The following SUMF2 variants were observed in gnomAD, a reference collection of about 807,000 sequenced individuals.
SUMF2 encodes the protein inactive C-alpha-formylglycine-generating enzyme 2.
In SUMF2, 45 loss-of-function variants were observed where a neutral mutation model predicts 44.8. The observed-to-expected ratio is 1.00, with a 90% confidence interval of 0.79 to 1.29. SUMF2 has a LOEUF of 1.29. Among genes scored for constraint, SUMF2 ranks in the 50% most tolerant of loss-of-function variants. The pLI is 0.00. For missense variants in SUMF2, 418 were observed against 389.9 expected, an observed-to-expected ratio of 1.07 and a Z score of -0.61; for synonymous variants, 148 against 150.4, an observed-to-expected ratio of 0.98 and a Z score of 0.12.
At chr7:56,083,676 C>G, downstream of SUMF2, 1 of 1,586,078 alleles carries the variant, frequency 6.3e-7, no homozygotes, top group Non-Finnish European at 8.6e-7. Flanking sequence ...TCAAGGTGAC[C>G]TTCTCAGTGA....
downstream of SUMF2, chr7:56,081,956 C>T (rs754396196): frequency 4.3e-5 from 70 of 1,613,810 alleles, no homozygotes; most frequent in Non-Finnish European, 5.8e-5. The surrounding 1 kb of genome is among the most constrained non-coding windows in gnomAD (Gnocchi z 4.6). Context: ...AGTTGCCGCT[C>T]ATGATCATCC....
chr7:56,079,715 A>G lies in SUMF2; in HGVS notation c.*103A>G. 1 of 1,607,372 alleles carries G rather than the reference A, an allele frequency of 6.2e-7. No homozygotes were observed. Among genetic ancestry groups the G allele is most frequent in the Non-Finnish European group, 8.5e-7 (1 of 1,176,780 alleles). ...CAAGCTCGAGAGCTTCAGCCTCAGG[A>G]AAGAACTTCCCCTTCCCTGTCTCCC... is the stretch of plus-strand genomic sequence containing the variant. On this transcript the variant is annotated 3_prime_UTR_variant, in exon 9 of 9. Coordinates refer to ENST00000434526, the MANE Select transcript of SUMF2 (RefSeq NM_015411.4).
downstream of SUMF2, among the ~76,000 whole-genome samples, chr7:56,085,652 TAGTC>T (rs1457374825): frequency 6.6e-6 from 1 of 152,078 alleles, no homozygotes; most frequent in African/African-American, 2.4e-5. Flanking sequence ...CGTCCCTAGA[TAGTC>T]AGTGAGATCT....
At chr7:56,076,798 T>C in intron 5 of SUMF2, 36 bp from the exon 6 acceptor site, 4 of 1,552,322 alleles carry the variant, frequency 2.6e-6, no homozygotes, top group Non-Finnish European at 3.5e-6. Flanking sequence ...ATTCTTCACC[T>C]CCCCCTCCTC....
downstream of SUMF2, chr7:56,083,370 T>A: frequency 1.2e-6 from 2 of 1,614,186 alleles, no homozygotes; most frequent in African/African-American, 1.3e-5. Context: ...GTTCTCGGGC[T>A]TCAGGTCCCG....
downstream of SUMF2, chr7:56,081,955 T>A (rs778380422): frequency 1.9e-6 from 3 of 1,613,892 alleles, no homozygotes; most frequent in Admixed American, 5.0e-5. This position sits in a 1 kb window ranked among gnomAD's most constrained non-coding sequence, Gnocchi z 4.6. Context: ...TAGTTGCCGC[T>A]CATGATCATC....
At chr7:56,066,934 C>G (rs1290380867) in intron 1 of SUMF2, among the ~76,000 whole-genome samples, 2 of 152,108 alleles carry the variant, frequency 1.3e-5, no homozygotes, top group African/African-American at 4.8e-5. Flanking sequence ...CTTTTTAATT[C>G]TATGATTTTC....
the SUMF2 span, among the ~76,000 whole-genome samples, chr7:56,086,517 T>G: frequency 6.6e-6 from 1 of 152,228 alleles, no homozygotes; most frequent in South Asian, 2.1e-4. Context: ...AGATGGAGTT[T>G]CGCTCTCGTA....
rs1162835476 is a variant in SUMF2, at chr7:56,079,755, G to A, written c.*143G>A. On this transcript the variant is annotated 3_prime_UTR_variant, in exon 9 of 9. Coordinates refer to ENST00000434526, the MANE Select transcript of SUMF2 (RefSeq NM_015411.4). ...CCCTGTCTCCCATCCCTCTGTGGCAGGCGCCTCTCACCAGGGCAGGAGAGG... is the reference window on the plus strand; with the variant it reads ...CCCTGTCTCCCATCCCTCTGTGGCAAGCGCCTCTCACCAGGGCAGGAGAGG... 5.7e-6 allele frequency: 9 copies of A among 1,566,502 alleles called. No homozygotes were observed. The Middle Eastern group carries it at 6.7e-4, about 116-fold the overall frequency.
chr7:56,084,265 A>G, downstream of SUMF2: 1 of 1,397,958 alleles, frequency 7.2e-7, no homozygotes, highest in East Asian at 2.5e-5. Flanking sequence ...GACAGTGTGG[A>G]CTGGGATGTA....
chr7:56,068,364 C>T, intron 1 of SUMF2, 118 bp from the exon 2 acceptor site: 1 of 1,032,902 alleles, frequency 9.7e-7, no homozygotes, highest in African/African-American at 1.6e-5. Flanking sequence ...GATTTTTAAG[C>T]CTCCACATTT....
At chr7:56,084,869 C>T (rs796157192), downstream of SUMF2, among the ~76,000 whole-genome samples, 10 of 152,302 alleles carry the variant, frequency 6.6e-5, no homozygotes, top group African/African-American at 1.9e-4. Flanking sequence ...AAAATAGCTT[C>T]CCCCAGCAAC....
chr7:56,070,011 C>T (rs893255139), intron 2 of SUMF2, among the ~76,000 whole-genome samples: 3 of 152,060 alleles, frequency 2.0e-5, no homozygotes, highest in Non-Finnish European at 4.4e-5. Context: ...TGGGTTCAAG[C>T]GATTCTCCTA....
chr7:56,081,101 T>C (rs1475433183), downstream of SUMF2: 1 of 1,613,376 alleles, frequency 6.2e-7, no homozygotes, highest in Non-Finnish European at 8.5e-7. This position sits in a 1 kb window ranked among gnomAD's most constrained non-coding sequence, Gnocchi z 4.6. Flanking sequence ...TTGGGTGTGT[T>C]CTCGAAAAGG....
downstream of SUMF2, chr7:56,081,605 G>C (rs778940977): frequency 8.7e-6 from 14 of 1,611,090 alleles, no homozygotes; most frequent in Non-Finnish European, 1.0e-5. The surrounding 1 kb of genome is among the most constrained non-coding windows in gnomAD (Gnocchi z 4.6). Flanking sequence ...GGGAGCTGGC[G>C]GGCCTGGATC....
chr7:56,064,676 C>T (rs1302310879), intron 1 of SUMF2, among the ~76,000 whole-genome samples: 1 of 146,230 alleles, frequency 6.8e-6, no homozygotes, highest in Non-Finnish European at 1.5e-5. Flanking sequence ...GAGTTGGAGA[C>T]CAGCCTGGCC....
chr7:56,083,414 C>G (rs1420506721), downstream of SUMF2: 23 of 1,614,064 alleles, frequency 1.4e-5, no homozygotes, highest in Admixed American at 3.3e-4. Context: ...AGGTGCAGAT[C>G]ACCTCCAGCA....
Position 56,074,726 on chromosome 7 carries a change from G to A in SUMF2, c.525G>A (p.Gly175=). The change falls in exon 5 of 9, where the codon GGG becomes GGA. Residue 175 remains glycine (G), a synonymous_variant. Transcript: ENST00000434526. ...TEEEWEFAAR[G]GLKGQVYPWG... ...AAGAGTGGGAGTTTGCCGCCCGAGG[G>A]GGCTTGAAGGGTATCCAGATGATAA... 2.5e-6 allele frequency: 4 copies of A among 1,614,132 alleles called. No homozygotes were observed. The highest frequency in any genetic ancestry group is 2.5e-6 in the Non-Finnish European group (3 of 1,180,032).
At chr7:56,081,737 C>T (rs199932685), downstream of SUMF2, 15 of 1,613,538 alleles carry the variant, frequency 9.3e-6, no homozygotes, top group Admixed American at 3.3e-5. The surrounding 1 kb of genome is among the most constrained non-coding windows in gnomAD (Gnocchi z 4.6). Context: ...TGGGGTTGCA[C>T]CACCAGGAAT....
Sources: allele counts gnomAD v4.1 joint callset (sites outside exome capture counted in the v4.1 genomes callset), GRCh38; gene constraint gnomAD v4.1.1; non-coding constraint Gnocchi (gnomAD v3.1); transcripts MANE v1.5; gene names NCBI Gene and HGNC (gene_info 2026-07-23, HGNC 2026-07-21).